PTPRK: variants seen among roughly 807,000 people sequenced by gnomAD.
PTPRK encodes protein tyrosine phosphatase receptor type K, also known as receptor-type tyrosine-protein phosphatase kappa.
PTPRK carries 75 observed loss-of-function variants against 178.0 expected under a neutral mutation model. The observed-to-expected ratio is 0.42, with a 90% CI of 0.35 to 0.51. The LOEUF (loss-of-function observed/expected upper bound fraction) is 0.51, where lower values mean the gene tolerates loss of function less well. Ranked by LOEUF, PTPRK falls within the 20% of genes least tolerant of loss-of-function variation. The pLI is 0.02. For synonymous variants in PTPRK, 637 were observed against 620.6 expected, an observed-to-expected ratio of 1.03 and a Z score of -0.39; for missense variants, 1,441 against 1,797.8, an observed-to-expected ratio of 0.80 and a Z score of 3.59.
chr6:128,459,118 G>A (rs895846213), intron 1 of PTPRK, among the ~76,000 whole-genome samples: 4 of 152,048 alleles, frequency 2.6e-5, no homozygotes, highest in Non-Finnish European at 4.4e-5. Flanking sequence ...GGAATCTTTG[G>A]CAGGCTCCTC....
chr6:128,157,322 G>A (rs940839415), intron 7 of PTPRK, among the ~76,000 whole-genome samples: 2 of 151,740 alleles, frequency 1.3e-5, no homozygotes, highest in African/African-American at 4.8e-5. Flanking sequence ...AAGACTCTCA[G>A]GATTATCTCA....
Position 128,060,287 on chromosome 6 carries a change from TCTA to T in PTPRK, c.2194+4468_2194+4470del, listed in dbSNP as rs1240541946. 2.0e-5 allele frequency among the ~76,000 whole-genome samples: 3 copies of T among 152,210 alleles called. No homozygotes were observed. The East Asian group carries it at 5.8e-4, about 29-fold the overall frequency. On this transcript the variant is annotated intron_variant, in intron 13 of 29. Coordinates refer to ENST00000368226, the MANE Select transcript of PTPRK (RefSeq NM_002844.4). ...TATAAAAATATTCAGAGCTATTATT[TCTA>T]CTTTGACTGTAAAATTTAAAGACAT...
At chr6:128,271,497 C>A (rs1819817017) in intron 3 of PTPRK, among the ~76,000 whole-genome samples, 1 of 152,098 alleles carries the variant, frequency 6.6e-6, no homozygotes, top group Non-Finnish European at 1.5e-5. Flanking sequence ...GCTGATAAAA[C>A]CAATGTACTA....
At chr6:128,375,519 G>T (rs1318316759) in intron 2 of PTPRK, among the ~76,000 whole-genome samples, 1 of 152,028 alleles carries the variant, frequency 6.6e-6, no homozygotes, top group African/African-American at 2.4e-5. Context: ...ACAACACATG[G>T]GAATTATGGG....
intron 7 of PTPRK, among the ~76,000 whole-genome samples, chr6:128,159,378 C>G (rs888567500): frequency 1.3e-5 from 2 of 151,710 alleles, no homozygotes; most frequent in Non-Finnish European, 2.9e-5. Context: ...ATAAAAATGC[C>G]AAGTGATTTT....
At chr6:128,043,097 G>C (rs1777467738) in intron 13 of PTPRK, among the ~76,000 whole-genome samples, 1 of 151,746 alleles carries the variant, frequency 6.6e-6, no homozygotes, top group African/African-American at 2.4e-5. Flanking sequence ...TAAACAAATG[G>C]CATCCTCAGT....
At chr6:128,023,756 C>A (rs1249545399) in intron 13 of PTPRK, among the ~76,000 whole-genome samples, 1 of 152,048 alleles carries the variant, frequency 6.6e-6, no homozygotes, top group African/African-American at 2.4e-5. Context: ...TGGGCTCAAG[C>A]GATCCTCCCA....
At chr6:128,390,297 G>A (rs1291043085) in intron 2 of PTPRK, among the ~76,000 whole-genome samples, 1 of 152,098 alleles carries the variant, frequency 6.6e-6, no homozygotes, top group Admixed American at 6.6e-5. Flanking sequence ...CACGCAGCAA[G>A]TGTTTATCAA....
At position 128,358,294 on chromosome 6, in the gene PTPRK, C is replaced by T. The variant is rs540336152; in HGVS notation, c.224-35984G>A. On this transcript the variant is annotated intron_variant, in intron 2 of 29. Coordinates refer to ENST00000368226, the MANE Select transcript of PTPRK (RefSeq NM_002844.4). ...CTCTACAATCCCATTCAGACACCATCGGTGGTGAGGGGTGGCAGTGCTCCT... is the reference window on the plus strand; with the variant it reads ...CTCTACAATCCCATTCAGACACCATTGGTGGTGAGGGGTGGCAGTGCTCCT... Among the ~76,000 whole-genome samples the T allele has an allele frequency of 2.0e-5, 3 of 152,268 alleles. No homozygotes were observed. The South Asian group carries it at 6.2e-4, about 32-fold the overall frequency.
At chr6:128,337,681 A>G (rs778982404) in intron 2 of PTPRK, among the ~76,000 whole-genome samples, 4 of 152,212 alleles carry the variant, frequency 2.6e-5, no homozygotes, top group Non-Finnish European at 4.4e-5. Context: ...CTTCTTCTGC[A>G]TGGATGCAGC....
intron 1 of PTPRK, among the ~76,000 whole-genome samples, chr6:128,448,370 T>G (rs748506258): frequency 3.3e-5 from 5 of 152,192 alleles, no homozygotes; most frequent in Non-Finnish European, 4.4e-5. Context: ...CAAAGAATGT[T>G]TGGTCTTTTC....
intron 13 of PTPRK, among the ~76,000 whole-genome samples, chr6:128,018,662 T>C (rs749303693): frequency 6.6e-6 from 1 of 152,090 alleles, no homozygotes; most frequent in Non-Finnish European, 1.5e-5. Context: ...TTGAAACATG[T>C]AAAGTGCTAA....
chr6:128,247,875 A>C (rs902029209), intron 3 of PTPRK, among the ~76,000 whole-genome samples: 11 of 152,098 alleles, frequency 7.2e-5, no homozygotes, highest in African/African-American at 2.7e-4. Context: ...TAACCCCCCA[A>C]TCCCAGTTTG....
At chr6:128,181,501 G>A (rs1320256465) in intron 7 of PTPRK, among the ~76,000 whole-genome samples, 1 of 151,996 alleles carries the variant, frequency 6.6e-6, no homozygotes, top group Non-Finnish European at 1.5e-5. Context: ...TATAAATCTA[G>A]TATTCAGTTC....
intron 1 of PTPRK, among the ~76,000 whole-genome samples, chr6:128,419,428 C>T (rs1843206091): frequency 6.7e-6 from 1 of 148,204 alleles, no homozygotes; most frequent in Non-Finnish European, 1.5e-5. Flanking sequence ...CTGGCTAACA[C>T]GGTGAAACCC....
At chr6:128,494,534 C>A (rs13196432) in intron 1 of PTPRK, among the ~76,000 whole-genome samples, 21,351 of 151,784 alleles carry the variant, frequency 0.14, 2,908 homozygotes, top group African/African-American at 0.36. Context: ...GGGAGCACTG[C>A]AGTTAAAAAA....
chr6:128,198,653 T>G (rs1455212315), intron 6 of PTPRK, among the ~76,000 whole-genome samples: 1 of 152,172 alleles, frequency 6.6e-6, no homozygotes, highest in Non-Finnish European at 1.5e-5. Flanking sequence ...TATCCTATAC[T>G]TCCTAGAGTG....
rs1313262008 is a variant in PTPRK at position 128,024,924 on chromosome 6, C to T, written c.2195-15656G>A. On this transcript the variant is annotated intron_variant, in intron 13 of 29. Coordinates refer to ENST00000368226, the MANE Select transcript of PTPRK (RefSeq NM_002844.4). ...TAGATTTTTCAGCAATATAGTTTTG[C>T]AATTTATTAACATGTACCAAAAGAA... Among the ~76,000 whole-genome samples the T allele has an allele frequency of 3.9e-5, 6 of 151,986 alleles. No individual in the cohort carries two copies. The East Asian group carries it at 9.6e-4, about 24-fold the overall frequency.
chr6:128,011,320 C>G, intron 13 of PTPRK, among the ~76,000 whole-genome samples: 1 of 151,054 alleles, frequency 6.6e-6, no homozygotes, highest in Non-Finnish European at 1.5e-5. Flanking sequence ...TGATAATGAT[C>G]CCTTAGTGAT....
Sources: gnomAD v4.1 joint callset for allele counts (sites outside exome capture counted in the v4.1 genomes callset) on GRCh38, gnomAD v4.1.1 for gene constraint, MANE v1.5 for transcripts, NCBI Gene and HGNC (gene_info 2026-07-23, HGNC 2026-07-21) for gene names.